The following THEMIS variants were observed in gnomAD, a reference collection of about 807,000 sequenced individuals.
THEMIS encodes the protein thymocyte selection associated, also known as protein THEMIS.
Under a neutral mutation model 52.6 loss-of-function variants are expected in THEMIS, and 37 were observed. That is an observed-to-expected ratio of 0.70 (90% CI 0.54 to 0.93). The LOEUF (loss-of-function observed/expected upper bound fraction) is 0.93, where lower values mean the gene tolerates loss of function less well. THEMIS is among the 40% of genes least tolerant of loss of function. THEMIS has a pLI of 0.00. For missense variants in THEMIS, 808 were observed against 763.1 expected (o/e 1.06, Z -0.69); for synonymous variants, 292 against 272.7 (o/e 1.07, Z -0.70).
Position 127,891,961 on chromosome 6 carries a change from C to G in THEMIS, c.91+8881G>C, listed in dbSNP as rs577115503. Reference sequence around the variant, plus strand: ...CAGATGTCTGCACTGTCTGTTCACTCTGGAACACTCCAGAACCTAGATCTT... The same window carrying G: ...CAGATGTCTGCACTGTCTGTTCACTGTGGAACACTCCAGAACCTAGATCTT... On this transcript the variant is annotated intron_variant, in intron 1 of 5. Transcript: ENST00000368248. Among the ~76,000 whole-genome samples the G allele has an allele frequency of 3.5e-4, 53 of 152,326 alleles. 2 individuals carry two copies. The South Asian group carries it at 0.01, about 29-fold the overall frequency.
chr6:127,775,727 T>A (rs552887951), intron 4 of THEMIS, among the ~76,000 whole-genome samples: 2 of 152,184 alleles, frequency 1.3e-5, no homozygotes, highest in Non-Finnish European at 2.9e-5. Flanking sequence ...AATGAAATGA[T>A]ACAGTATTTA....
chr6:127,911,056 G>GCAGCTGGTGAAAGCAGCCAGAA (rs1562335705), intron 1 of THEMIS, among the ~76,000 whole-genome samples: 26 of 151,582 alleles, frequency 1.7e-4, no homozygotes, highest in African/African-American at 5.6e-4. Flanking sequence ...TTATGGGTTT[G>GCAGCTGGTGAAAGCAGCCAGAA]GGGAGGAAGA....
chr6:127,796,392 T>C (rs139849523), intron 4 of THEMIS, among the ~76,000 whole-genome samples: 54 of 152,224 alleles, frequency 3.5e-4, no homozygotes, highest in Non-Finnish European at 6.2e-4. Flanking sequence ...TAGTGGTTCC[T>C]TAAAAAATAA....
chr6:127,860,873 G>A (rs1008167978), intron 1 of THEMIS, among the ~76,000 whole-genome samples: 1 of 152,044 alleles, frequency 6.6e-6, no homozygotes, highest in African/African-American at 2.4e-5. Context: ...TAATTTAATA[G>A]ATTAAATAAA....
At position 127,813,159 on chromosome 6, in the gene THEMIS, G is replaced by A. The variant is rs201323571; in HGVS notation, c.1482C>T (p.Asp494=). Residue 494 remains aspartate (D), a synonymous_variant, in exon 4 of 6, where the codon GAC becomes GAT. Coordinates refer to ENST00000368248, the MANE Select transcript of THEMIS (RefSeq NM_001010923.3). ...CCCAGCACTCCGTGGGGTTGGCAAA[G>A]TCACTTATGAGTAGGTAAGAGTCTG... ...DITDSYLLIS[D]FANPTECWEI... 1.2e-6 allele frequency: 2 copies of A among 1,614,138 alleles called. No homozygotes were observed. Among genetic ancestry groups the A allele is most frequent in the Admixed American group, 1.7e-5 (1 of 59,998 alleles).
chr6:127,828,882 C>G (rs2114657799), intron 3 of THEMIS, among the ~76,000 whole-genome samples: 1 of 152,162 alleles, frequency 6.6e-6, no homozygotes, highest in South Asian at 2.1e-4. Context: ...GCACTCCAGC[C>G]TGGCAACAGA....
chr6:127,747,892 C>T (rs1016068374), intron 4 of THEMIS, among the ~76,000 whole-genome samples: 14 of 152,100 alleles, frequency 9.2e-5, no homozygotes, highest in Admixed American at 7.2e-4. Flanking sequence ...AACATCCTTA[C>T]AACACACACA....
At chr6:127,853,423 G>A (rs543643016) in intron 2 of THEMIS, among the ~76,000 whole-genome samples, 1 of 151,708 alleles carries the variant, frequency 6.6e-6, no homozygotes, top group East Asian at 1.9e-4. Flanking sequence ...TCATGTAAGT[G>A]GCCTGAACAT....
chr6:127,805,951 C>T (rs1476335273), intron 4 of THEMIS, among the ~76,000 whole-genome samples: 1 of 151,754 alleles, frequency 6.6e-6, no homozygotes, highest in African/African-American at 2.4e-5. Context: ...TTTTCTTCAA[C>T]TGCTCTTTTG....
At chr6:127,703,347 A>G (rs1004647311), downstream of THEMIS, among the ~76,000 whole-genome samples, 2 of 152,182 alleles carry the variant, frequency 1.3e-5, no homozygotes, top group Admixed American at 1.3e-4. Context: ...GCGCCCGGCT[A>G]GAATGAGTTT....
intron 4 of THEMIS, among the ~76,000 whole-genome samples, chr6:127,803,537 G>A (rs536262597): frequency 6.6e-6 from 1 of 152,022 alleles, no homozygotes; most frequent in Admixed American, 6.6e-5. Flanking sequence ...TATTCTCTCT[G>A]GATCTTATAT....
intron 4 of THEMIS, among the ~76,000 whole-genome samples, chr6:127,801,706 G>A (rs895486191): frequency 4.6e-5 from 7 of 152,068 alleles, no homozygotes; most frequent in South Asian, 2.1e-4. Flanking sequence ...CTGAGGCAAC[G>A]GTGATGGCCT....
At chr6:127,719,958 A>T in intron 4 of THEMIS, 135 bp from the exon 5 acceptor site, 1 of 1,129,664 alleles carries the variant, frequency 8.9e-7, no homozygotes, top group Non-Finnish European at 1.2e-6. Flanking sequence ...CAAGCTACAA[A>T]TTATATGTTC....
At chr6:127,743,934 G>A (rs944159867) in intron 4 of THEMIS, among the ~76,000 whole-genome samples, 1 of 151,918 alleles carries the variant, frequency 6.6e-6, no homozygotes, top group African/African-American at 2.4e-5. Flanking sequence ...CCTTTAAAAT[G>A]TTTTTTGTCT....
intron 4 of THEMIS, among the ~76,000 whole-genome samples, chr6:127,792,837 G>A (rs901052211): frequency 6.6e-6 from 1 of 152,194 alleles, no homozygotes; most frequent in East Asian, 1.9e-4. Context: ...CACAGACAAT[G>A]AGAAAGCACT....
intron 1 of THEMIS, among the ~76,000 whole-genome samples, chr6:127,859,300 A>T (rs546080957): frequency 1.2e-4 from 18 of 152,052 alleles, no homozygotes; most frequent in African/African-American, 4.3e-4. Flanking sequence ...TGATCCCTAC[A>T]CCTAAGTAAG....
At chr6:127,843,237 T>C (rs1779109078) in intron 2 of THEMIS, among the ~76,000 whole-genome samples, 2 of 152,114 alleles carry the variant, frequency 1.3e-5, no homozygotes, top group South Asian at 4.1e-4. Flanking sequence ...AAAAATTCCT[T>C]ATTATGGCAT....
At chr6:127,894,516 G>A (rs968199176) in intron 1 of THEMIS, among the ~76,000 whole-genome samples, 1 of 151,534 alleles carries the variant, frequency 6.6e-6, no homozygotes, top group Non-Finnish European at 1.5e-5. Context: ...AAAATACTTA[G>A]AAAAAAATAA....
chr6:127,902,100 G>T (rs769652510), upstream of THEMIS, among the ~76,000 whole-genome samples: 26 of 151,940 alleles, frequency 1.7e-4, no homozygotes, highest in Non-Finnish European at 3.7e-4. Flanking sequence ...TGAGGTAGGA[G>T]AATTGCTTGA....
Sources: gnomAD v4.1 joint callset for allele counts (sites outside exome capture counted in the v4.1 genomes callset) on GRCh38, gnomAD v4.1.1 for gene constraint, MANE v1.5 for transcripts, NCBI Gene and HGNC (gene_info 2026-07-23, HGNC 2026-07-21) for gene names.